CYP4F11: variants seen among roughly 807,000 people sequenced by gnomAD.
The protein encoded by CYP4F11 is cytochrome P450 family 4 subfamily F member 11.
CYP4F11 carries 79 observed loss-of-function variants against 62.2 expected under a neutral mutation model. That is an observed-to-expected ratio of 1.27 (90% CI 1.06 to 1.53). The LOEUF is 1.53. CYP4F11 is among the 40% of genes most tolerant of loss of function. CYP4F11 has a pLI of 0.00. For missense variants in CYP4F11, 777 were observed against 680.5 expected (o/e 1.14, Z -1.58); for synonymous variants, 290 against 263.7 (o/e 1.10, Z -0.97).
Position 15,921,949 on chromosome 19 carries a change from A to G in CYP4F11, c.1115+88T>C, listed in dbSNP as rs547337324. On this transcript the variant is annotated intron_variant, in intron 8 of 11. Coordinates refer to ENST00000402119, the MANE Select transcript of CYP4F11 (RefSeq NM_021187.4). Reference sequence around the variant, plus strand: ...GATTCCCACTAAGCGATAATGGAAGAATTGACCAAAAAAACTCCCTCCCTC... The same window carrying G: ...GATTCCCACTAAGCGATAATGGAAGGATTGACCAAAAAAACTCCCTCCCTC... The G allele has an allele frequency of 2.9e-4, 424 of 1,448,074 alleles. 6 individuals are homozygous for G. The South Asian group carries it at 6.4e-3, about 22-fold the overall frequency. The allele number at this position is 1,448,074 out of a possible 1,614,324, so 89.7% of individuals were successfully genotyped here.
In CYP4F11 at chr19:15,934,336, C is replaced by A; in HGVS notation, c.73G>T (p.Val25Phe). The change falls in exon 1 of 12, where the codon GTT (valine) becomes TTT (phenylalanine). Residue 25 changes from valine to phenylalanine, a missense_variant. Transcript: ENST00000402119. ...CGGGCCAGGAGCCAGGAGCCTCCAA[C>A]CAGCAGCAGAAGCAGCCACGGGGAT... ...AASPWLLLLL[V>F]GGSWLLARVL... The A allele has an allele frequency of 6.2e-7, 1 of 1,613,430 alleles. No homozygotes were observed. The highest frequency in any genetic ancestry group is 2.2e-5 in the East Asian group (1 of 44,822).
At chr19:15,929,379 C>T in intron 2 of CYP4F11, 78 bp downstream of exon 2, 3 of 1,594,274 alleles carry the variant, frequency 1.9e-6, no homozygotes, top group East Asian at 2.2e-5. Flanking sequence ...AGGGGCCACA[C>T]AGAAGCTTGG....
intron 6 of CYP4F11, 50 bp downstream of exon 6, chr19:15,923,762 G>A (rs2089646938): frequency 1.3e-6 from 2 of 1,575,000 alleles, no homozygotes; most frequent in East Asian, 4.5e-5. Flanking sequence ...ATTTGACAGA[G>A]GCATAAATCT....
In CYP4F11 at chr19:15,934,245, G is replaced by A. The variant is rs762846067; in HGVS notation, c.164C>T (p.Pro55Leu). ...GTGTCCCCAAAACCAGTTCTGTTTC[G>A]GGGGTTGAGGAAAACACTGGAGGCG... Reference protein sequence around the residue: ...CRRLQCFPQPPKQNWFWGHQG... With the variant: ...CRRLQCFPQPLKQNWFWGHQG... The change falls in exon 1 of 12, where the codon CCG becomes CTG. Residue 55 changes from proline to leucine, a missense_variant. Transcript: ENST00000402119. 1.8e-5 allele frequency: 29 copies of A among 1,613,598 alleles called. No individual in the cohort carries two copies. The highest frequency in any genetic ancestry group is 1.6e-4 in the Middle Eastern group (1 of 6,080).
At chr19:15,916,557 A>G (rs916376419) in intron 8 of CYP4F11, among the ~76,000 whole-genome samples, 1 of 152,218 alleles carries the variant, frequency 6.6e-6, no homozygotes, top group African/African-American at 2.4e-5. Flanking sequence ...AGAATCTACA[A>G]GGAACTCAAA....
At chr19:15,926,906 G>C (rs1020124555) in intron 4 of CYP4F11, among the ~76,000 whole-genome samples, 2 of 152,100 alleles carry the variant, frequency 1.3e-5, no homozygotes, top group Non-Finnish European at 2.9e-5. Flanking sequence ...AAACCAATGA[G>C]TTTTCAGGCG....
At position 15,934,384 on chromosome 19, in the gene CYP4F11, G is replaced by A; in HGVS notation, c.25C>T (p.Leu9=). The change falls in exon 1 of 12, where the codon CTG becomes TTG. Residue 9 remains leucine, a synonymous_variant. Coordinates refer to ENST00000402119, the MANE Select transcript of CYP4F11 (RefSeq NM_021187.4). ...GATGCTGCCACGGGCCCGAGGCCCA[G>A]CCAGGACAGGCTCAGCTGCGGCATC... is the stretch of plus-strand genomic sequence containing the variant. MPQLSLSW[L]GLGPVAASPW... is the part of the protein sequence containing the mutation. 1.2e-6 allele frequency: 2 copies of A among 1,613,338 alleles called. No homozygotes were observed. Among genetic ancestry groups the A allele is most frequent in the Non-Finnish European group, 1.7e-6 (2 of 1,179,690 alleles).
intron 8 of CYP4F11, among the ~76,000 whole-genome samples, chr19:15,916,720 G>A (rs2089585867): frequency 6.6e-6 from 1 of 152,004 alleles, no homozygotes; most frequent in South Asian, 2.1e-4. Context: ...AAACCACAGT[G>A]AGATACCCCC....
At chr19:15,919,145 A>T in intron 8 of CYP4F11, among the ~76,000 whole-genome samples, 1 of 148,322 alleles carries the variant, frequency 6.7e-6, no homozygotes, top group East Asian at 1.9e-4. Flanking sequence ...AATTAGGAAT[A>T]TATATAGTAT....
At position 15,914,356 on chromosome 19, in the gene CYP4F11, T is replaced by C; in HGVS notation, c.1346A>G (p.Asn449Ser). 2 of 1,614,072 alleles carry C rather than the reference T, an allele frequency of 1.2e-6. No homozygotes were observed. Among genetic ancestry groups the C allele is most frequent in the East Asian group, 2.2e-5 (1 of 44,860 alleles). ...VYDPFRFDQENIKERSPLAFI... is the reference protein window; with the variant it reads ...VYDPFRFDQESIKERSPLAFI... ...AGCCAGAGGTGACCTCTCCTTGATG[T>C]TCTCTTGGTCGAAACGGAAGGGGTC... Residue 449 changes from asparagine (N) to serine (S), a missense_variant, in exon 11 of 12, where the codon AAC (asparagine) becomes AGC (serine). Asn to Ser is a conservative substitution (Grantham distance 46). Transcript: ENST00000402119.
chr19:15,919,118 TAAC>T (rs1383091680), intron 8 of CYP4F11, among the ~76,000 whole-genome samples: 1 of 148,778 alleles, frequency 6.7e-6, no homozygotes, highest in East Asian at 1.9e-4. Flanking sequence ...AACATATTAA[TAAC>T]ATTATAATTT....
chr19:15,934,630 A>G, upstream of CYP4F11: 2 of 514,250 alleles, frequency 3.9e-6, no homozygotes. Flanking sequence ...AGAGAGAGAG[A>G]GGCTGATTAG....
chr19:15,922,016 C>G, intron 8 of CYP4F11, 21 bp downstream of exon 8: 1 of 1,553,258 alleles, frequency 6.4e-7, no homozygotes. Flanking sequence ...AGATCAGGAA[C>G]AGGCCAGCAC....
rs935381718 is a variant in CYP4F11, at chr19:15,913,393, C to T, written c.*339G>A. 2.1e-5 allele frequency: 7 copies of T among 331,828 alleles called. No individual in the cohort carries two copies. The highest frequency in any genetic ancestry group is 8.9e-5 in the Admixed American group (2 of 22,400). The allele number at this position is 331,828 out of a possible 1,614,324, so 20.6% of individuals were successfully genotyped here. Reference sequence around the variant, plus strand: ...GGGATCTGCCCCTATGGTTGTTTCTCGCTGAATCAGAGTCTCAGTCTTGCT... The same window carrying T: ...GGGATCTGCCCCTATGGTTGTTTCTTGCTGAATCAGAGTCTCAGTCTTGCT... On this transcript the variant is annotated 3_prime_UTR_variant, in exon 12 of 12. Transcript: ENST00000402119.
chr19:15,914,715 A>T, intron 9 of CYP4F11, 47 bp downstream of exon 9: 1 of 1,613,740 alleles, frequency 6.2e-7, no homozygotes, highest in Non-Finnish European at 8.5e-7. Flanking sequence ...TGCCTGAGGG[A>T]CCCCTCTTGC....
At position 15,934,324 on chromosome 19, in the gene CYP4F11, A is replaced by C; in HGVS notation, c.85T>G (p.Trp29Gly). The C allele has an allele frequency of 6.2e-7, 1 of 1,613,406 alleles. No individual in the cohort carries two copies. ...WLLLLLVGGSWLLARVLAWTY... is the reference protein window; with the variant it reads ...WLLLLLVGGSGLLARVLAWTY... ...CAGGCCAGGACGCGGGCCAGGAGCC[A>C]GGAGCCTCCAACCAGCAGCAGAAGC... Residue 29 changes from tryptophan to glycine, a missense_variant, in exon 1 of 12, where the codon TGG becomes GGG. Coordinates refer to ENST00000402119, the MANE Select transcript of CYP4F11 (RefSeq NM_021187.4).
Position 15,914,812 on chromosome 19 carries a change from C to T in CYP4F11, c.1199G>A (p.Arg400Gln), listed in dbSNP as rs200588981. The stretch of plus-strand genomic sequence containing the variant: ...GAGCACAAAGTCCTGCGTGCAACAT[C>T]GGGAGATGACCGGGACTGGGGGATG... ...RLHPPVPVIS[R>Q]CCTQDFVLPD... The change falls in exon 9 of 12, where the codon CGA (arginine) becomes CAA (glutamine). Residue 400 changes from arginine to glutamine, a missense_variant. Arg to Gln is a conservative substitution (Grantham distance 43). Transcript: ENST00000402119. 1.2e-5 allele frequency: 20 copies of T among 1,614,098 alleles called. No homozygotes were observed. The African/African-American group carries it at 1.3e-4, about 11-fold the overall frequency.
At position 15,934,025 on chromosome 19, in the gene CYP4F11, C is replaced by CAGAGGAATGAGTGAGCGGGG. The variant is rs1290852282; in HGVS notation, c.198+166_198+185dup. 3.8e-4 allele frequency among the ~76,000 whole-genome samples: 9 copies of CAGAGGAATGAGTGAGCGGGG among 23,616 alleles called. 1 individual carries two copies. The highest frequency in any genetic ancestry group is 1.8e-3 in the South Asian group (1 of 546). 15.5% of individuals were successfully genotyped at this position (23,616 alleles called of 152,430 possible). ...GTGGGCAGAGGAATGAGTGAGTGGGCAGAGGAATGAGTGAGCGGGGAGAGG... is the reference window on the plus strand; with the variant it reads ...GTGGGCAGAGGAATGAGTGAGTGGGCAGAGGAATGAGTGAGCGGGGAGAGGAATGAGTGAGCGGGGAGAGG... On this transcript the variant is annotated intron_variant, in intron 1 of 11. Coordinates refer to ENST00000402119, the MANE Select transcript of CYP4F11 (RefSeq NM_021187.4).
chr19:15,919,521 TAGAC>T (rs59363861), intron 8 of CYP4F11, among the ~76,000 whole-genome samples: 1 of 146,074 alleles, frequency 6.8e-6, no homozygotes, highest in African/African-American at 2.5e-5. Context: ...GATAGATAGA[TAGAC>T]AGATAGATAA....
Sources: gnomAD v4.1 joint callset for allele counts (sites outside exome capture counted in the v4.1 genomes callset) on GRCh38, gnomAD v4.1.1 for gene constraint, MANE v1.5 for transcripts, NCBI Gene and HGNC (gene_info 2026-07-23, HGNC 2026-07-21) for gene names.